Variants in AKAP8 observed in about 807,000 individuals in gnomAD.
The protein encoded by AKAP8 is A-kinase anchoring protein 8.
A neutral mutation model predicts 67.5 loss-of-function variants in AKAP8; 24 were observed. The ratio of observed to expected loss-of-function variants is 0.36; its 90% confidence interval spans 0.26 to 0.50. The LOEUF is 0.50. AKAP8 is among the 20% of genes least tolerant of loss of function. The pLI is 0.97. For synonymous variants in AKAP8, 400 were observed against 371.1 expected, an observed-to-expected ratio of 1.08 and a Z score of -0.90; for missense variants, 971 against 955.9, an observed-to-expected ratio of 1.02 and a Z score of -0.21.
intron 9 of AKAP8, among the ~76,000 whole-genome samples, chr19:15,364,051 T>C (rs559922288): frequency 1.4e-5 from 1 of 70,908 alleles, no homozygotes; most frequent in African/African-American, 6.0e-5. Context: ...CCAAGAATGA[T>C]CAATAAAAAT....
At chr19:15,379,641 A>C in intron 1 of AKAP8, 72 bp downstream of exon 1, 1 of 1,533,916 alleles carries the variant, frequency 6.5e-7, no homozygotes, top group East Asian at 2.6e-5. Flanking sequence ...GGCCGGCGGC[A>C]GTCTGCGCAG....
chr19:15,377,899 C>T (rs1967281373), intron 1 of AKAP8, among the ~76,000 whole-genome samples: 1 of 152,152 alleles, frequency 6.6e-6, no homozygotes, highest in African/African-American at 2.4e-5. Flanking sequence ...TCTGTCTGGT[C>T]CCTCCAGGAA....
Position 15,373,106 on chromosome 19 carries a change from G to T in AKAP8, c.606C>A (p.Gly202=), listed in dbSNP as rs1268545240. The change falls in exon 5 of 14, where the codon GGC becomes GGA. Residue 202 remains glycine, a synonymous_variant. Coordinates refer to ENST00000269701, the MANE Select transcript of AKAP8 (RefSeq NM_005858.4). ...CGAAGGGGTCGCTGCGCATGAAGGT[G>T]CCAGGGTTGCTCCGGTCCTGGAAGC... is the stretch of plus-strand genomic sequence containing the variant. ...QGRFQDRSNP[G]TFMRSDPFVP... is the part of the protein sequence containing the mutation. The T allele has an allele frequency of 3.7e-6, 6 of 1,612,524 alleles. No individual in the cohort carries two copies. The South Asian group carries it at 6.6e-5, about 18-fold the overall frequency.
intron 9 of AKAP8, among the ~76,000 whole-genome samples, chr19:15,364,125 A>AAAAAAAAAAAAAAAAG (rs1555754624): frequency 7.0e-6 from 1 of 143,392 alleles, no homozygotes; most frequent in Admixed American, 7.0e-5. Flanking sequence ...AAAAAAAAAA[A>AAAAAAAAAAAAAAAAG]GAAACAGGAT....
chr19:15,377,479 G>GT (rs1425645539), intron 1 of AKAP8, among the ~76,000 whole-genome samples: 1 of 152,042 alleles, frequency 6.6e-6, no homozygotes, highest in Non-Finnish European at 1.5e-5. Flanking sequence ...GCCACTTTTT[G>GT]TTTTTTTGAG....
intron 9 of AKAP8, among the ~76,000 whole-genome samples, chr19:15,366,470 A>T (rs967316791): frequency 6.6e-6 from 1 of 151,798 alleles, no homozygotes; most frequent in East Asian, 1.9e-4. Flanking sequence ...CGTTTTGCTA[A>T]GCATTTCTCT....
Position 15,360,981 on chromosome 19 carries a change from G to T in AKAP8, c.1397-3C>A. The T allele has an allele frequency of 6.2e-7, 1 of 1,612,042 alleles. No individual in the cohort carries two copies. Among genetic ancestry groups the T allele is most frequent in the Non-Finnish European group, 8.5e-7 (1 of 1,179,392 alleles). ...GAAGAAGTGCTCCTGGCCAATCCCT[G>T]CCAGGAAACGCATGTCTTGTAGGAT... On this transcript the variant is annotated splice_polypyrimidine_tract_variant and splice_region_variant and intron_variant, in intron 11 of 13. Coordinates refer to ENST00000269701, the MANE Select transcript of AKAP8 (RefSeq NM_005858.4).
In AKAP8 at chr19:15,362,297, G is replaced by T. The variant is rs766090849; in HGVS notation, c.1161-46C>A. ...GGGGAGTGAAGCAGGGAGCATCAGC[G>T]AGTGAAGCAGGGGGCATCAGCTCAC... On this transcript the variant is annotated intron_variant, in intron 9 of 13. Coordinates refer to ENST00000269701, the MANE Select transcript of AKAP8 (RefSeq NM_005858.4). 3.7e-6 allele frequency: 6 copies of T among 1,607,888 alleles called. No individual in the cohort carries two copies. In the South Asian group the frequency reaches 4.4e-5, roughly 12 times the overall value.
Position 15,377,023 on chromosome 19 carries a change from A to C in AKAP8, c.20-9T>G. ...ACTCCACGCCCCGTAGCCTGCAAGA[A>C]GACCCCGTGAGTTAAAATTCTATTT... On this transcript the variant is annotated splice_polypyrimidine_tract_variant and intron_variant, in intron 1 of 13. Coordinates refer to ENST00000269701, the MANE Select transcript of AKAP8 (RefSeq NM_005858.4). The C allele has an allele frequency of 1.9e-6, 3 of 1,612,718 alleles. No homozygotes were observed. Among genetic ancestry groups the C allele is most frequent in the Non-Finnish European group, 2.5e-6 (3 of 1,179,508 alleles).
intron 3 of AKAP8, among the ~76,000 whole-genome samples, chr19:15,374,318 G>C (rs545952681): frequency 1.3e-5 from 2 of 152,148 alleles, no homozygotes; most frequent in African/African-American, 4.8e-5. Flanking sequence ...ATTCAAAGCC[G>C]GGTGACTGAG....
intron 5 of AKAP8, 104 bp downstream of exon 5, chr19:15,372,747 A>C: frequency 7.2e-7 from 1 of 1,381,454 alleles, no homozygotes; most frequent in East Asian, 2.5e-5. Flanking sequence ...CGAACTGCGC[A>C]CTTAAAAACA....
intron 9 of AKAP8, among the ~76,000 whole-genome samples, chr19:15,365,971 C>A (rs895689877): frequency 6.7e-6 from 1 of 150,066 alleles, no homozygotes; most frequent in African/African-American, 2.5e-5. Flanking sequence ...TTGCAGTGAG[C>A]TGAGATCGTG....
intron 2 of AKAP8, among the ~76,000 whole-genome samples, chr19:15,376,742 TGTAA>T (rs1253432141): frequency 2.0e-5 from 3 of 152,252 alleles, no homozygotes; most frequent in Non-Finnish European, 4.4e-5. Context: ...TTGTATTGTC[TGTAA>T]GTAACTACTG....
In AKAP8 at chr19:15,366,068, C is replaced by T. The variant is rs183206032; in HGVS notation, c.1160+2167G>A. Among the ~76,000 whole-genome samples, 820 of 128,880 alleles carry T rather than the reference C, an allele frequency of 6.4e-3. 19 individuals carry two copies. Among genetic ancestry groups the T allele is most frequent in the African/African-American group, 0.023 (779 of 33,494 alleles). 84.6% of individuals were successfully genotyped at this position (128,880 alleles called of 152,430 possible). A position where few individuals can be genotyped will look rare whatever the true frequency, so the allele number is the denominator to read the frequency against. ...AAAGAAAAAGATCCTCAGTCACTAGCGCACACTCTGAAGGTTTCTTTTTTT... is the reference window on the plus strand; with the variant it reads ...AAAGAAAAAGATCCTCAGTCACTAGTGCACACTCTGAAGGTTTCTTTTTTT... On this transcript the variant is annotated intron_variant, in intron 9 of 13. Transcript: ENST00000269701.
rs1967172593 is a variant in AKAP8 at position 15,372,313 on chromosome 19, T to C, written c.896A>G (p.Asp299Gly). Residue 299 changes from aspartate to glycine, a missense_variant, in exon 6 of 14, where the codon GAT (aspartate) becomes GGT (glycine). By Grantham distance (94) the Asp-to-Gly change is moderately conservative (BLOSUM62 -1). Around this residue, in one of 3 missense-constraint regions of AKAP8, gnomAD observed 763 missense variants for 745.4 expected, o/e 1.02. Transcript: ENST00000269701. ...CTGCTTCCGTTTCCTGCCCGTGCCA[T>C]CTGGTCCGAAGCGGTCAAACCCTCT... ...KRRGFDRFGP[D>G]GTGRKRKQFQ... 30 of 1,614,072 alleles carry C rather than the reference T, an allele frequency of 1.9e-5. No homozygotes were observed. Among genetic ancestry groups the C allele is most frequent in the Non-Finnish European group, 2.3e-5 (27 of 1,180,046 alleles).
chr19:15,373,449 C>T (rs1051422806), intron 4 of AKAP8, 109 bp from the exon 5 acceptor site: 26 of 1,438,702 alleles, frequency 1.8e-5, no homozygotes, highest in Admixed American at 1.1e-4. Context: ...ACCAAACCAC[C>T]CTGCATCCCA....
chr19:15,362,341 T>G, intron 9 of AKAP8, 90 bp from the exon 10 acceptor site: 2 of 1,452,518 alleles, frequency 1.4e-6, no homozygotes, highest in Non-Finnish European at 1.9e-6. Flanking sequence ...AGAGCTGAAA[T>G]AGAAACAGGA....
Position 15,354,185 on chromosome 19 carries a change from T to C in AKAP8, c.*730A>G, listed in dbSNP as rs1019992055. On this transcript the variant is annotated 3_prime_UTR_variant, in exon 14 of 14. Transcript: ENST00000269701. ...GTAAATACATTTGAGTGGTAGTAAC[T>C]AATTTTAAAGGAAAAAAACCTGAAG... The C allele has an allele frequency of 6.6e-6, 1 of 152,070 alleles. No individual in the cohort carries two copies. Among genetic ancestry groups the C allele is most frequent in the Admixed American group, 6.6e-5 (1 of 15,226 alleles). 9.4% of individuals were successfully genotyped at this position (152,070 alleles called of 1,614,324 possible). A position where few individuals can be genotyped will look rare whatever the true frequency, so the allele number is the denominator to read the frequency against.
chr19:15,362,066 G>T (rs200307246), intron 10 of AKAP8, 44 bp downstream of exon 10: 1 of 1,607,434 alleles, frequency 6.2e-7, no homozygotes, highest in African/African-American at 1.3e-5. Context: ...CGGCACCTGC[G>T]GGATGGGCAA....
Sources: gnomAD v4.1 joint callset for allele counts (sites outside exome capture counted in the v4.1 genomes callset) on GRCh38, gnomAD v4.1.1 for gene constraint, gnomAD v4.1.1 regional missense constraint, MANE v1.5 for transcripts, NCBI Gene and HGNC (gene_info 2026-07-23, HGNC 2026-07-21) for gene names.